ALDH8A1: variants seen among roughly 807,000 people sequenced by gnomAD.
ALDH8A1 encodes the protein 2-aminomuconic semialdehyde dehydrogenase.
Under a neutral mutation model 43.3 loss-of-function variants are expected in ALDH8A1, and 39 were observed. That is an observed-to-expected ratio of 0.90 (90% CI 0.70 to 1.18). The LOEUF (loss-of-function observed/expected upper bound fraction) is 1.18, where lower values mean the gene tolerates loss of function less well. Among genes scored for constraint, ALDH8A1 ranks in the 50% most tolerant of loss-of-function variants. The probability of loss-of-function intolerance (pLI) is 0.00; values close to 1 mark genes in which losing one functional copy is unlikely to be tolerated. For synonymous variants in ALDH8A1, 233 were observed against 243.5 expected, an observed-to-expected ratio of 0.96 and a Z score of 0.40; for missense variants, 605 against 622.6, an observed-to-expected ratio of 0.97 and a Z score of 0.30.
intron 6 of ALDH8A1, among the ~76,000 whole-genome samples, chr6:134,921,927 T>C (rs1776805920): frequency 6.6e-6 from 1 of 152,232 alleles, no homozygotes; most frequent in Non-Finnish European, 1.5e-5. Flanking sequence ...TCTCTAGGCG[T>C]TTCTATTAGC....
chr6:134,918,582 G>C lies in ALDH8A1; in HGVS notation c.1297C>G (p.Arg433Gly). Residue 433 changes from arginine to glycine, a missense_variant, in exon 7 of 7, where the codon CGG (arginine) becomes GGG (glycine). Coordinates refer to ENST00000265605, the MANE Select transcript of ALDH8A1 (RefSeq NM_022568.4). ...VWSSNVGRVH[R>G]VAKKLQSGLV... ...CCAGACTGCAGCTTCTTAGCCACCC[G>C]GTGGACGCGCCCCACATTGCTGGAC... The C allele has an allele frequency of 1.2e-6, 2 of 1,614,180 alleles. No homozygotes were observed. Among genetic ancestry groups the C allele is most frequent in the Non-Finnish European group, 1.7e-6 (2 of 1,180,040 alleles).
At chr6:134,921,567 G>C (rs1374426763) in intron 6 of ALDH8A1, among the ~76,000 whole-genome samples, 1 of 152,218 alleles carries the variant, frequency 6.6e-6, no homozygotes, top group Non-Finnish European at 1.5e-5. Context: ...ATCTCCATAA[G>C]TCCTTGAGCC....
chr6:134,937,114 T>C (rs1043994609), intron 4 of ALDH8A1, among the ~76,000 whole-genome samples: 6 of 152,080 alleles, frequency 3.9e-5, no homozygotes, highest in Non-Finnish European at 7.4e-5. Context: ...ACTCCAGGAA[T>C]GAGGGCAAAT....
chr6:134,924,769 T>C, intron 6 of ALDH8A1, among the ~76,000 whole-genome samples: 1 of 152,214 alleles, frequency 6.6e-6, no homozygotes, highest in East Asian at 1.9e-4. Context: ...TATTTTACTC[T>C]AGGGAAAAAT....
chr6:134,936,055 G>A (rs1367483085), intron 4 of ALDH8A1, among the ~76,000 whole-genome samples: 1 of 151,928 alleles, frequency 6.6e-6, no homozygotes, highest in Non-Finnish European at 1.5e-5. Context: ...AGGTTCAAGC[G>A]ATTTTCCCAC....
intron 3 of ALDH8A1, among the ~76,000 whole-genome samples, chr6:134,940,783 C>T (rs975635077): frequency 2.6e-5 from 4 of 152,164 alleles, no homozygotes; most frequent in South Asian, 2.1e-4. Flanking sequence ...AAAGTAAATG[C>T]ATCTTTTATA....
chr6:134,939,182 A>T, intron 4 of ALDH8A1, 84 bp downstream of exon 4: 1 of 1,554,472 alleles, frequency 6.4e-7, no homozygotes, highest in East Asian at 2.3e-5. Flanking sequence ...ACTGGAATCG[A>T]TTGTGCTGCT....
Position 134,919,906 on chromosome 6 carries a change from T to C in ALDH8A1, c.1012-1039A>G, listed in dbSNP as rs77227201. Among the ~76,000 whole-genome samples, 1,214 of 152,312 alleles carry C rather than the reference T, an allele frequency of 8.0e-3. 22 individuals are homozygous for C. Among genetic ancestry groups the C allele is most frequent in the African/African-American group, 0.028 (1,165 of 41,562 alleles). ...CCAAGTTTGTAGAATTAATAAGCCA[T>C]GAAGTTAAAGACTTTTTTTACAGAC... is the stretch of plus-strand genomic sequence containing the variant. On this transcript the variant is annotated intron_variant, in intron 6 of 6. Transcript: ENST00000265605.
chr6:134,948,214 G>C (rs1467558664), intron 1 of ALDH8A1, among the ~76,000 whole-genome samples: 6 of 152,146 alleles, frequency 3.9e-5, no homozygotes, highest in Non-Finnish European at 8.8e-5. Context: ...ATCTCATGGA[G>C]GTAGAGAGTA....
At chr6:134,931,242 T>C (rs911332397) in intron 5 of ALDH8A1, among the ~76,000 whole-genome samples, 1 of 152,126 alleles carries the variant, frequency 6.6e-6, no homozygotes, top group African/African-American at 2.4e-5. Flanking sequence ...CTTATCTCCA[T>C]GTTCAGAATT....
chr6:134,929,623 A>T (rs1307110276), intron 5 of ALDH8A1, among the ~76,000 whole-genome samples: 1 of 152,120 alleles, frequency 6.6e-6, no homozygotes, highest in Non-Finnish European at 1.5e-5. Context: ...AATTCTTCAA[A>T]GTACAGAGGA....
chr6:134,918,333 T>C lies in ALDH8A1; in HGVS notation c.*82A>G. 1 of 1,360,558 alleles carries C rather than the reference T, an allele frequency of 7.3e-7. No homozygotes were observed. Among genetic ancestry groups the C allele is most frequent in the Non-Finnish European group, 1.0e-6 (1 of 983,128 alleles). 84.3% of individuals were successfully genotyped at this position (1,360,558 alleles called of 1,614,324 possible). A position where few individuals can be genotyped will look rare whatever the true frequency, so the allele number is the denominator to read the frequency against. ...CAAGTCAAGGCATAGCTGGAATTCA[T>C]GCCATGATTTTCATCTACCACATTG... On this transcript the variant is annotated 3_prime_UTR_variant, in exon 7 of 7. Coordinates refer to ENST00000265605, the MANE Select transcript of ALDH8A1 (RefSeq NM_022568.4).
intron 3 of ALDH8A1, chr6:134,941,450 C>A (rs1356618237): frequency 6.6e-6 from 1 of 152,190 alleles, no homozygotes; most frequent in Non-Finnish European, 1.5e-5. Flanking sequence ...TGCAATGGCA[C>A]AATCTCAGCT....
Position 134,918,213 on chromosome 6 carries a change from CT to C in ALDH8A1, c.*201del. ...TTGTTCTATCTTCCTACTTATAAGT[CT>C]TTTTTTCCGAGTCCACATTGAAAAT... is the stretch of plus-strand genomic sequence containing the variant. On this transcript the variant is annotated 3_prime_UTR_variant, in exon 7 of 7. Transcript: ENST00000265605. 1.0e-5 allele frequency: 6 copies of C among 578,768 alleles called. No individual in the cohort carries two copies. Among genetic ancestry groups the C allele is most frequent in the Non-Finnish European group, 1.8e-5 (6 of 330,498 alleles). 35.9% of individuals were successfully genotyped at this position (578,768 alleles called of 1,614,324 possible). A position where few individuals can be genotyped will look rare whatever the true frequency, so the allele number is the denominator to read the frequency against.
chr6:134,920,780 T>C (rs1776786500), intron 6 of ALDH8A1, among the ~76,000 whole-genome samples: 1 of 152,154 alleles, frequency 6.6e-6, no homozygotes, highest in Admixed American at 6.5e-5. Flanking sequence ...TAATATGCTA[T>C]AAATACAAGA....
At chr6:134,941,955 C>A (rs986212717) in intron 3 of ALDH8A1, among the ~76,000 whole-genome samples, 28 of 152,014 alleles carry the variant, frequency 1.8e-4, no homozygotes, top group African/African-American at 6.8e-4. Context: ...CGTGGTGGCT[C>A]ACGCCTGTAA....
intron 6 of ALDH8A1, among the ~76,000 whole-genome samples, chr6:134,926,064 T>A (rs1776877320): frequency 6.6e-6 from 1 of 152,102 alleles, no homozygotes; most frequent in Non-Finnish European, 1.5e-5. Flanking sequence ...GACTTAGGCA[T>A]GGACTGTGAG....
At chr6:134,938,199 T>C (rs1773779787) in intron 4 of ALDH8A1, among the ~76,000 whole-genome samples, 1 of 152,126 alleles carries the variant, frequency 6.6e-6, no homozygotes, top group African/African-American at 2.4e-5. Context: ...AGTGAGTCTG[T>C]CTCCCCCACC....
rs772181224 is a variant in ALDH8A1 at position 134,918,719 on chromosome 6, C to T, written c.1160G>A (p.Cys387Tyr). The T allele has an allele frequency of 6.2e-7, 1 of 1,614,194 alleles. No individual in the cohort carries two copies. Among genetic ancestry groups the T allele is most frequent in the Non-Finnish European group, 8.5e-7 (1 of 1,180,036 alleles). Residue 387 changes from cysteine (C) to tyrosine (Y), a missense_variant, in exon 7 of 7, where the codon TGC becomes TAC. Physicochemically the swap from Cys to Tyr is radical, Grantham distance 194 (BLOSUM62 -2). Coordinates refer to ENST00000265605, the MANE Select transcript of ALDH8A1 (RefSeq NM_022568.4). ...TGGACCAAATATCTCTTCCGTCATG[C>T]AGCAGGATTCATCCTTAATGTCTGT... ...VITDIKDESC[C>Y]MTEEIFGPVT...
Sources: gnomAD v4.1 joint callset for allele counts (sites outside exome capture counted in the v4.1 genomes callset) on GRCh38, gnomAD v4.1.1 for gene constraint, MANE v1.5 for transcripts, NCBI Gene and HGNC (gene_info 2026-07-23, HGNC 2026-07-21) for gene names.